The following CPA4 variants were observed in gnomAD, a reference collection of about 807,000 sequenced individuals.
CPA4 encodes carboxypeptidase A4, also known as carboxypeptidase A3.
A neutral mutation model predicts 54.7 loss-of-function variants in CPA4; 49 were observed. The observed-to-expected ratio is 0.90, with a 90% confidence interval of 0.71 to 1.14. CPA4 has a LOEUF of 1.14. Among genes scored for constraint, CPA4 ranks in the 50% most tolerant of loss-of-function variants. CPA4 has a pLI of 0.00. For missense variants in CPA4, 487 were observed against 525.1 expected, an observed-to-expected ratio of 0.93 and a Z score of 0.71; for synonymous variants, 215 against 206.8, an observed-to-expected ratio of 1.04 and a Z score of -0.34.
intron 1 of CPA4, among the ~76,000 whole-genome samples, chr7:130,297,704 G>A (rs1793671736): frequency 6.6e-6 from 1 of 152,188 alleles, no homozygotes; most frequent in Non-Finnish European, 1.5e-5. Flanking sequence ...CCCTGTGACA[G>A]CCATTCACTC....
At chr7:130,304,359 C>T in intron 4 of CPA4, 119 bp from the exon 5 acceptor site, 2 of 755,730 alleles carry the variant, frequency 2.6e-6, no homozygotes, top group South Asian at 2.9e-5. Flanking sequence ...ATAATATGGT[C>T]AATTCCAAGA....
chr7:130,310,677 C>T lies in CPA4; in HGVS notation c.794-110C>T. On this transcript the variant is annotated intron_variant, in intron 8 of 10. Coordinates refer to ENST00000222482, the MANE Select transcript of CPA4 (RefSeq NM_016352.4). The surrounding 1 kb of genome is among the most constrained non-coding windows in gnomAD (Gnocchi z 4.3). ...GGACTAGGTGCTCTGGGCCGTCTCG[C>T]CATGGCCTGCCCATTCCCAATACCT... 3 of 972,806 alleles carry T rather than the reference C, an allele frequency of 3.1e-6. No individual in the cohort carries two copies. 60.3% of individuals were successfully genotyped at this position (972,806 alleles called of 1,614,324 possible).
chr7:130,322,765 A>G lies in CPA4; in HGVS notation c.*89A>G, dbSNP rs996098918. ...AAAGGAGCTCTTTCCTACCTGTGTG[A>G]GTCAGAGCCCTCTGGGTTTGTGGAG... On this transcript the variant is annotated 3_prime_UTR_variant, in exon 11 of 11. Transcript: ENST00000222482. The G allele has an allele frequency of 3.0e-6, 4 of 1,346,356 alleles. No homozygotes were observed. Among genetic ancestry groups the G allele is most frequent in the Non-Finnish European group, 4.1e-6 (4 of 981,718 alleles). 83.4% of individuals were successfully genotyped at this position (1,346,356 alleles called of 1,614,324 possible).
chr7:130,301,421 G>A (rs562132389), intron 4 of CPA4, among the ~76,000 whole-genome samples: 19 of 152,262 alleles, frequency 1.2e-4, no homozygotes, highest in African/African-American at 4.6e-4. Context: ...GACTTTCAAG[G>A]TAAGCCAAAC....
At chr7:130,317,553 C>T (rs1794008637) in intron 10 of CPA4, among the ~76,000 whole-genome samples, 1 of 152,164 alleles carries the variant, frequency 6.6e-6, no homozygotes, top group Non-Finnish European at 1.5e-5. Flanking sequence ...GCCTCGACTT[C>T]CCCAAACTCA....
chr7:130,304,320 C>T (rs886537653), intron 4 of CPA4, among the ~76,000 whole-genome samples, 158 bp from the exon 5 acceptor site: 3 of 152,202 alleles, frequency 2.0e-5, no homozygotes, highest in African/African-American at 7.2e-5. Context: ...ACTATTCAGG[C>T]AGGTCTCATA....
In CPA4 at chr7:130,310,807, C is replaced by A; in HGVS notation, c.814C>A (p.Pro272Thr). 3 of 1,614,134 alleles carry A rather than the reference C, an allele frequency of 1.9e-6. No individual in the cohort carries two copies. Among genetic ancestry groups the A allele is most frequent in the Non-Finnish European group, 2.5e-6 (3 of 1,179,948 alleles). ...SFAGKGASDN[P>T]CSEVYHGPHA... ...AACAGGAAAGGGAGCCAGCGACAAC[C>A]CTTGCTCCGAAGTGTACCATGGACC... Residue 272 changes from proline (P) to threonine (T), a missense_variant, in exon 9 of 11, where the codon CCT becomes ACT. By Grantham distance (38) the Pro-to-Thr change is conservative. Coordinates refer to ENST00000222482, the MANE Select transcript of CPA4 (RefSeq NM_016352.4). The surrounding 1 kb of genome is among the most constrained non-coding windows in gnomAD (Gnocchi z 4.3).
intron 1 of CPA4, among the ~76,000 whole-genome samples, chr7:130,295,901 C>T (rs748954783): frequency 9.2e-5 from 14 of 152,236 alleles, no homozygotes; most frequent in Non-Finnish European, 1.6e-4. Flanking sequence ...ATCACTTGAA[C>T]CCCGGAGGCG....
intron 10 of CPA4, among the ~76,000 whole-genome samples, chr7:130,313,493 G>A (rs1051367099): frequency 1.3e-5 from 2 of 152,146 alleles, no homozygotes; most frequent in East Asian, 3.8e-4. Flanking sequence ...TTATTTTGGA[G>A]GACTGCAGCT....
chr7:130,320,447 GC>G (rs1794073526), intron 10 of CPA4, among the ~76,000 whole-genome samples: 1 of 152,102 alleles, frequency 6.6e-6, no homozygotes, highest in African/African-American at 2.4e-5. Context: ...TGCTACCATT[GC>G]TTTTCACTCT....
chr7:130,299,705 T>A, intron 3 of CPA4: 1 of 314,144 alleles, frequency 3.2e-6, no homozygotes, highest in South Asian at 5.6e-5. Context: ...CGTTTCTTCA[T>A]CAGTAAAATG....
At chr7:130,321,789 C>T (rs1055101788) in intron 10 of CPA4, among the ~76,000 whole-genome samples, 4 of 152,164 alleles carry the variant, frequency 2.6e-5, no homozygotes, top group Admixed American at 1.3e-4. Flanking sequence ...TGGGGGAAAC[C>T]ACTCCCATGA....
intron 1 of CPA4, among the ~76,000 whole-genome samples, chr7:130,295,911 G>A (rs925826376): frequency 2.6e-5 from 4 of 152,230 alleles, no homozygotes; most frequent in African/African-American, 7.2e-5. Context: ...CCCCGGAGGC[G>A]GAGATTGCAG....
In CPA4 at chr7:130,298,819, A is replaced by C; in HGVS notation, c.142A>C (p.Asn48His). The C allele has an allele frequency of 6.3e-7, 1 of 1,598,506 alleles. No individual in the cohort carries two copies. The highest frequency in any genetic ancestry group is 8.6e-7 in the Non-Finnish European group (1 of 1,165,726). Residue 48 changes from asparagine to histidine, a missense_variant, in exon 2 of 11, where the codon AAC becomes CAC. Coordinates refer to ENST00000222482, the MANE Select transcript of CPA4 (RefSeq NM_016352.4). ...SKLSQLVNSN[N>H]LKLNFWKSPS... ...ATTGAGTCAACTAGTGAATTCAAAC[A>C]ACTTGAAGGTACCTGGTTCTTTTTA...
chr7:130,306,324 G>A (rs965865885), intron 6 of CPA4: 8 of 248,638 alleles, frequency 3.2e-5, no homozygotes, highest in African/African-American at 1.6e-4. Flanking sequence ...CGGAGGTTGC[G>A]TTGAGCCAAG....
intron 8 of CPA4, among the ~76,000 whole-genome samples, chr7:130,309,925 C>T (rs1237592370): frequency 1.3e-5 from 2 of 152,066 alleles, no homozygotes; most frequent in African/African-American, 2.4e-5. Context: ...GCCACAATGC[C>T]GAGCTAAGTT....
In CPA4 at chr7:130,308,285, C is replaced by T. The variant is rs113063231; in HGVS notation, c.703-22C>T. On this transcript the variant is annotated intron_variant, in intron 7 of 10. Coordinates refer to ENST00000222482, the MANE Select transcript of CPA4 (RefSeq NM_016352.4). ...TCTGATCTGCCTCTGGTTGTTTGTC[C>T]CCTCCTTGGTGGCTTTTTCAGAACC... 2.8e-3 allele frequency: 4,424 copies of T among 1,605,578 alleles called. 112 individuals are homozygous for T. In the African/African-American group the frequency reaches 0.051, roughly 19 times the overall value.
chr7:130,314,511 G>A (rs566357129), intron 10 of CPA4, among the ~76,000 whole-genome samples: 4 of 152,340 alleles, frequency 2.6e-5, no homozygotes, highest in Admixed American at 6.5e-5. Flanking sequence ...GAAGAGCTGC[G>A]TAAGCTGAGG....
chr7:130,308,169 A>G (rs990060263), intron 7 of CPA4, 138 bp from the exon 8 acceptor site: 10 of 709,372 alleles, frequency 1.4e-5, no homozygotes, highest in Middle Eastern at 2.4e-4. Flanking sequence ...CAACTGCTCA[A>G]TGAGGACTAG....
Sources: allele counts gnomAD v4.1 joint callset (sites outside exome capture counted in the v4.1 genomes callset), GRCh38; gene constraint gnomAD v4.1.1; non-coding constraint Gnocchi (gnomAD v3.1); transcripts MANE v1.5; gene names NCBI Gene and HGNC (gene_info 2026-07-23, HGNC 2026-07-21).